VSTM4: variants seen among roughly 807,000 people sequenced by gnomAD.
The protein encoded by VSTM4 is V-set and transmembrane domain-containing protein 4.
Under a neutral mutation model 36.4 loss-of-function variants are expected in VSTM4, and 20 were observed. The ratio of observed to expected loss-of-function variants is 0.55; its 90% CI spans 0.39 to 0.80. The LOEUF (loss-of-function observed/expected upper bound fraction) is 0.80. Among genes scored for constraint, VSTM4 ranks in the 30% least tolerant of loss-of-function variants. The pLI is 0.00. For synonymous variants in VSTM4, 182 were observed against 173.9 expected, an observed-to-expected ratio of 1.05 and a Z score of -0.37; for missense variants, 392 against 404.5, an observed-to-expected ratio of 0.97 and a Z score of 0.26.
rs897713586 is a variant in VSTM4, at chr10:49,050,800, G to A, written c.669-2216C>T. 3.3e-5 allele frequency among the ~76,000 whole-genome samples: 5 copies of A among 152,158 alleles called. No individual in the cohort carries two copies. The South Asian group carries it at 6.2e-4, about 19-fold the overall frequency. On this transcript the variant is annotated intron_variant, in intron 5 of 7. Coordinates refer to ENST00000332853, the MANE Select transcript of VSTM4 (RefSeq NM_001031746.5). ...TTTAAAAAGGGTAATTACAGGCATG[G>A]AAACCAAAGAAAATAACACTGTCAT...
At chr10:49,098,361 G>C (rs1025768637) in intron 2 of VSTM4, among the ~76,000 whole-genome samples, 2 of 152,222 alleles carry the variant, frequency 1.3e-5, no homozygotes, top group Admixed American at 1.3e-4. Context: ...TATTTACAGA[G>C]TTAGACCCCT....
chr10:49,110,681 TAAG>T (rs1844877217), intron 1 of VSTM4, among the ~76,000 whole-genome samples: 1 of 151,958 alleles, frequency 6.6e-6, no homozygotes. Context: ...ATGGTCTTTA[TAAG>T]AAGAGGAGAT....
At chr10:49,051,627 C>T (rs1230310849) in intron 5 of VSTM4, among the ~76,000 whole-genome samples, 5 of 152,118 alleles carry the variant, frequency 3.3e-5, no homozygotes, top group African/African-American at 7.2e-5. Flanking sequence ...AACTCCTGAC[C>T]TCAGGTGATC....
At chr10:49,065,100 G>A (rs912525293) in intron 4 of VSTM4, among the ~76,000 whole-genome samples, 20 of 152,280 alleles carry the variant, frequency 1.3e-4, no homozygotes, top group African/African-American at 4.8e-4. Context: ...ATGGAATAAC[G>A]TGTCCATTTA....
chr10:49,063,295 A>G (rs984168228), intron 5 of VSTM4, among the ~76,000 whole-genome samples: 6 of 152,110 alleles, frequency 3.9e-5, no homozygotes, highest in Admixed American at 1.3e-4. Context: ...AGATCATGCT[A>G]TTGCACTCCA....
At chr10:49,082,564 A>C (rs1844299077) in intron 3 of VSTM4, among the ~76,000 whole-genome samples, 1 of 152,170 alleles carries the variant, frequency 6.6e-6, no homozygotes, top group South Asian at 2.1e-4. Context: ...AATCCCAGCT[A>C]CTTGGGAGGC....
chr10:49,084,043 C>T (rs1844327237), intron 3 of VSTM4, among the ~76,000 whole-genome samples: 1 of 152,222 alleles, frequency 6.6e-6, no homozygotes, highest in South Asian at 2.1e-4. Flanking sequence ...TATCCCAACC[C>T]ATCACAGTGC....
intron 2 of VSTM4, chr10:49,102,074 G>C (rs1464748086): frequency 6.6e-6 from 1 of 152,218 alleles, no homozygotes; most frequent in East Asian, 1.9e-4. Flanking sequence ...GGGGATGGGA[G>C]TGGAACTGGG....
intron 7 of VSTM4, among the ~76,000 whole-genome samples, chr10:49,046,744 C>T (rs1253991176): frequency 1.3e-5 from 2 of 152,130 alleles, no homozygotes; most frequent in Non-Finnish European, 2.9e-5. Flanking sequence ...GCTTTTCTCC[C>T]GTTTGAAACA....
At chr10:49,053,560 G>A (rs1843730941) in intron 5 of VSTM4, among the ~76,000 whole-genome samples, 1 of 152,208 alleles carries the variant, frequency 6.6e-6, no homozygotes, top group South Asian at 2.1e-4. Context: ...GGTCAGATGA[G>A]AGAGCATAGC....
chr10:49,050,753 T>C (rs1843684708), intron 5 of VSTM4, among the ~76,000 whole-genome samples: 1 of 152,232 alleles, frequency 6.6e-6, no homozygotes, highest in African/African-American at 2.4e-5. Context: ...TTATTTCCAA[T>C]ATAAAATAAT....
rs1020073541 is a variant in VSTM4 at position 49,015,494 on chromosome 10, C to T, written c.*4156G>A. 2 of 152,144 alleles carry T rather than the reference C, an allele frequency of 1.3e-5. No homozygotes were observed. The highest frequency in any genetic ancestry group is 2.4e-5 in the African/African-American group (1 of 41,414). The allele number at this position is 152,144 out of a possible 1,614,324, so 9.4% of individuals were successfully genotyped here. On this transcript the variant is annotated 3_prime_UTR_variant, in exon 8 of 8. Transcript: ENST00000332853. ...GTTGAGAAAGCACTAGTCTACATGC[C>T]CATCTATCTGGACACCCCACAGCCA...
chr10:49,030,321 C>G (rs377511370), intron 7 of VSTM4, among the ~76,000 whole-genome samples: 1 of 152,318 alleles, frequency 6.6e-6, no homozygotes, highest in East Asian at 1.9e-4. Flanking sequence ...CTCCCAAATC[C>G]AGCATTCTGC....
chr10:49,099,099 AGC>A (rs1844622840), intron 2 of VSTM4, among the ~76,000 whole-genome samples: 7 of 152,180 alleles, frequency 4.6e-5, no homozygotes, highest in African/African-American at 1.7e-4. Flanking sequence ...AAGTTCCCAA[AGC>A]TGACTGTGTA....
At chr10:49,062,815 C>T (rs1287662610) in intron 5 of VSTM4, among the ~76,000 whole-genome samples, 2 of 152,060 alleles carry the variant, frequency 1.3e-5, no homozygotes, top group African/African-American at 4.8e-5. Context: ...CTCTGTTGTT[C>T]AGATTAGATA....
At chr10:49,109,367 G>A (rs951551953) in intron 1 of VSTM4, among the ~76,000 whole-genome samples, 1 of 152,190 alleles carries the variant, frequency 6.6e-6, no homozygotes, top group Non-Finnish European at 1.5e-5. Flanking sequence ...GTGGGCTGGG[G>A]GAGGGATGGT....
At position 49,014,540 on chromosome 10, in the gene VSTM4, G is replaced by T. The variant is rs2254863; in HGVS notation, c.*5110C>A. The T allele has an allele frequency of 0.73, 110,295 of 152,078 alleles. 42,206 individuals are homozygous for T. Among genetic ancestry groups the T allele is most frequent in the Non-Finnish European group, 0.87 (58,922 of 68,030 alleles). The allele number at this position is 152,078 out of a possible 1,614,324, so 9.4% of individuals were successfully genotyped here. A position where few individuals can be genotyped will look rare whatever the true frequency, so the allele number is the denominator to read the frequency against. On this transcript the variant is annotated 3_prime_UTR_variant, in exon 8 of 8. Coordinates refer to ENST00000332853, the MANE Select transcript of VSTM4 (RefSeq NM_001031746.5). ...CCCTGAGAAGATGAGGATTGCTCTG[G>T]GGAAAATACACTCAGCAGACCAGAC... is the stretch of plus-strand genomic sequence containing the variant.
intron 1 of VSTM4, among the ~76,000 whole-genome samples, chr10:49,111,474 C>T (rs1315815349): frequency 1.3e-5 from 2 of 152,154 alleles, no homozygotes; most frequent in Admixed American, 1.3e-4. Flanking sequence ...GGGGCAGGAC[C>T]TGATGGTGTC....
chr10:49,021,696 T>TA (rs936038589), intron 7 of VSTM4, among the ~76,000 whole-genome samples: 27 of 146,612 alleles, frequency 1.8e-4, no homozygotes, highest in African/African-American at 2.7e-4. Flanking sequence ...TGCCAAACAT[T>TA]AAAAAAAAAA....
Sources: allele counts gnomAD v4.1 joint callset (sites outside exome capture counted in the v4.1 genomes callset), GRCh38; gene constraint gnomAD v4.1.1; transcripts MANE v1.5; gene names NCBI Gene and HGNC (gene_info 2026-07-23, HGNC 2026-07-21).